Variants in STK10 observed in about 807,000 individuals in gnomAD.
STK10 encodes the protein serine/threonine kinase 10, also known as serine/threonine-protein kinase 10.
STK10 carries 78 observed loss-of-function variants against 113.8 expected under a neutral mutation model. The observed-to-expected ratio is 0.69, with a 90% CI of 0.57 to 0.83. The LOEUF is 0.83. Among genes scored for constraint, STK10 ranks in the 40% least tolerant of loss-of-function variants. The probability of loss-of-function intolerance (pLI) is 0.00; values close to 1 mark genes in which losing one functional copy is unlikely to be tolerated. For synonymous variants in STK10, 465 were observed against 494.7 expected (o/e 0.94, Z 0.80); for missense variants, 1,109 against 1,280.1 (o/e 0.87, Z 2.04).
intron 10 of STK10, among the ~76,000 whole-genome samples, chr5:172,089,421 GA>G: frequency 6.7e-6 from 1 of 149,866 alleles, no homozygotes; most frequent in Non-Finnish European, 1.5e-5. Flanking sequence ...TGGATGGATG[GA>G]TGGATGGATG....
At chr5:172,153,828 C>T (rs143515626) in intron 2 of STK10, among the ~76,000 whole-genome samples, 5 of 152,358 alleles carry the variant, frequency 3.3e-5, no homozygotes, top group Non-Finnish European at 2.9e-5. Context: ...ATTTGCTGGT[C>T]CCTCTACTTT....
Position 172,061,244 on chromosome 5 carries a change from T to C in STK10, c.2107A>G (p.Lys703Glu). Residue 703 changes from lysine (K) to glutamate (E), a missense_variant, in exon 14 of 19, where the codon AAG becomes GAG. Physicochemically the swap from Lys to Glu is moderately conservative, Grantham distance 56. This residue lies in a region of STK10 where 885 missense variants were observed against 991.1 expected (regional missense o/e 0.89). Coordinates refer to ENST00000176763, the MANE Select transcript of STK10 (RefSeq NM_005990.4). ...LLDRDFVAKQ[K>E]EDLELAMKRL... ...TTCATGGCCAGCTCCAGGTCCTCCT[T>C]CTGCTTGGCTACAAAGTCCCGGTCC... 2 of 1,613,004 alleles carry C rather than the reference T, an allele frequency of 1.2e-6. No individual in the cohort carries two copies. The highest frequency in any genetic ancestry group is 1.7e-6 in the Non-Finnish European group (2 of 1,179,858).
intron 1 of STK10, among the ~76,000 whole-genome samples, chr5:172,159,375 C>CA (rs988593661): frequency 2.1e-4 from 31 of 150,868 alleles, no homozygotes; most frequent in African/African-American, 4.9e-4. Flanking sequence ...CCCGCCTCTA[C>CA]AAAAAAAAAT....
At chr5:172,045,315 G>T in intron 18 of STK10, 1 of 555,400 alleles carries the variant, frequency 1.8e-6, no homozygotes, top group Non-Finnish European at 3.4e-6. Flanking sequence ...AAATCCCCTG[G>T]CAGGAAAACA....
In STK10 at chr5:172,187,658, G is replaced by C. The variant is rs998210806; in HGVS notation, c.156+229C>G. Among the ~76,000 whole-genome samples, 2 of 152,244 alleles carry C rather than the reference G, an allele frequency of 1.3e-5. No individual in the cohort carries two copies. The highest frequency in any genetic ancestry group is 2.9e-5 in the Non-Finnish European group (2 of 68,042). ...GGAAGTGCTCCGAAACAGGGCTAGG[G>C]TGGGGGCGGCAACCGTGCCCGGAGG... On this transcript the variant is annotated intron_variant, in intron 1 of 18. Transcript: ENST00000176763. The surrounding 1 kb of genome is among the most constrained non-coding windows in gnomAD (Gnocchi z 4.6).
chr5:172,064,743 G>A lies in STK10; in HGVS notation c.2059C>T (p.His687Tyr). 1 of 1,614,128 alleles carries A rather than the reference G, an allele frequency of 6.2e-7. No individual in the cohort carries two copies. The highest frequency in any genetic ancestry group is 8.5e-7 in the Non-Finnish European group (1 of 1,180,008). The change falls in exon 13 of 19, where the codon CAC (histidine) becomes TAC (tyrosine). Residue 687 changes from histidine to tyrosine, a missense_variant. His to Tyr is a moderately conservative substitution (Grantham distance 83). This residue lies in a region of STK10 where 885 missense variants were observed against 991.1 expected (regional missense o/e 0.89). Transcript: ENST00000176763. ...ACAAGAAGCTGCTTTTTCTGCGTGT[G>A]CTCCTCCATCTTCTGCTTCATGCTT... is the stretch of plus-strand genomic sequence containing the variant. ...KESMKQKMEE[H>Y]TQKKQLLDRD...
chr5:172,106,667 T>C lies in STK10; in HGVS notation c.741A>G (p.Leu247=), dbSNP rs772007952. The part of the protein sequence containing the change: ...HHELNPMRVL[L]KIAKSDPPTL... ...TGGGAGGGTCCGACTTGGCGATCTT[T>C]AGCAGGACCCGCATGGGGTTGAGCT... Residue 247 remains leucine, a synonymous_variant, in exon 6 of 19, where the codon CTA becomes CTG. Coordinates refer to ENST00000176763, the MANE Select transcript of STK10 (RefSeq NM_005990.4). 6.2e-7 allele frequency: 1 copy of C among 1,613,726 alleles called. No homozygotes were observed. Among genetic ancestry groups the C allele is most frequent in the Non-Finnish European group, 8.5e-7 (1 of 1,180,018 alleles).
chr5:172,075,712 A>G (rs1248067052), intron 12 of STK10, among the ~76,000 whole-genome samples: 1 of 152,182 alleles, frequency 6.6e-6, no homozygotes, highest in Non-Finnish European at 1.5e-5. Flanking sequence ...TAAAATAAAT[A>G]CATATGGGTA....
At chr5:172,174,328 C>T (rs756423020) in intron 1 of STK10, among the ~76,000 whole-genome samples, 17 of 152,074 alleles carry the variant, frequency 1.1e-4, no homozygotes, top group East Asian at 1.9e-4. Flanking sequence ...CGCACCATCA[C>T]GCCCAGCCAA....
Position 172,106,631 on chromosome 5 carries a change from C to A in STK10, c.777G>T (p.Thr259=). Residue 259 remains threonine, a synonymous_variant, in exon 6 of 19, where the codon ACG becomes ACT. Coordinates refer to ENST00000176763, the MANE Select transcript of STK10 (RefSeq NM_005990.4). ...CCCCTGCCCCTCACCACTTAGAGGG[C>A]GTGAGCAGCGTGGGAGGGTCCGACT... is the stretch of plus-strand genomic sequence containing the variant. ...IAKSDPPTLL[T]PSKWSVEFRD... The A allele has an allele frequency of 1.2e-6, 2 of 1,612,202 alleles. No homozygotes were observed. The highest frequency in any genetic ancestry group is 1.7e-6 in the Non-Finnish European group (2 of 1,179,778).
intron 4 of STK10, among the ~76,000 whole-genome samples, chr5:172,111,554 G>A (rs535659155): frequency 1.4e-4 from 22 of 152,336 alleles, no homozygotes; most frequent in African/African-American, 4.8e-4. Flanking sequence ...TGCTCCCTCC[G>A]CAGAGTTTAT....
At chr5:172,129,455 A>G (rs549001787) in intron 2 of STK10, among the ~76,000 whole-genome samples, 1 of 152,244 alleles carries the variant, frequency 6.6e-6, no homozygotes, top group South Asian at 2.1e-4. Context: ...TCTCTCTAAC[A>G]CTACAGTGAC....
chr5:172,103,621 T>C (rs1769041001), intron 7 of STK10, among the ~76,000 whole-genome samples: 1 of 151,948 alleles, frequency 6.6e-6, no homozygotes, highest in Non-Finnish European at 1.5e-5. Flanking sequence ...CTCCCAACAA[T>C]ACCCAGAAAA....
chr5:172,136,393 CGA>C (rs1769859979), intron 2 of STK10, among the ~76,000 whole-genome samples: 1 of 152,138 alleles, frequency 6.6e-6, no homozygotes, highest in Non-Finnish European at 1.5e-5. Flanking sequence ...GTCAGGAGTT[CGA>C]GACCAGCCTG....
At chr5:172,119,024 G>A (rs903208742) in intron 3 of STK10, among the ~76,000 whole-genome samples, 1 of 152,108 alleles carries the variant, frequency 6.6e-6, no homozygotes, top group Non-Finnish European at 1.5e-5. Context: ...AGGGTATGCG[G>A]ATGCGGAAGG....
At chr5:172,146,781 G>T (rs1449967732) in intron 2 of STK10, among the ~76,000 whole-genome samples, 1 of 152,224 alleles carries the variant, frequency 6.6e-6, no homozygotes, top group African/African-American at 2.4e-5. Flanking sequence ...TTCAAACCTT[G>T]TTTTTCCTCT....
intron 7 of STK10, among the ~76,000 whole-genome samples, chr5:172,100,314 G>A (rs1768959428): frequency 6.6e-6 from 1 of 152,186 alleles, no homozygotes; most frequent in Admixed American, 6.5e-5. Flanking sequence ...CCAGTAAGAG[G>A]CACCGGCTGG....
chr5:172,049,574 T>C (rs888267586), intron 18 of STK10, among the ~76,000 whole-genome samples: 1 of 150,414 alleles, frequency 6.6e-6, no homozygotes, highest in Admixed American at 6.6e-5. Context: ...GTTCTCGAAG[T>C]GTGGTCCACG....
intron 4 of STK10, among the ~76,000 whole-genome samples, chr5:172,113,385 G>A (rs1769284229): frequency 6.6e-6 from 1 of 152,154 alleles, no homozygotes; most frequent in South Asian, 2.1e-4. Context: ...ACTCATCACT[G>A]CATGATTTCG....
Sources: allele counts gnomAD v4.1 joint callset (sites outside exome capture counted in the v4.1 genomes callset), GRCh38; gene constraint gnomAD v4.1.1; regional missense constraint gnomAD v4.1.1; non-coding constraint Gnocchi (gnomAD v3.1); transcripts MANE v1.5; gene names NCBI Gene and HGNC (gene_info 2026-07-23, HGNC 2026-07-21).